PDE3B: variants seen among roughly 807,000 people sequenced by gnomAD.
The protein encoded by PDE3B is cGMP-inhibited 3',5'-cyclic phosphodiesterase 3B.
A neutral mutation model predicts 116.8 loss-of-function variants in PDE3B; 66 were observed. The observed-to-expected ratio is 0.56, with a 90% CI of 0.46 to 0.69. The LOEUF is 0.69. Ranked by LOEUF, PDE3B falls within the 30% of genes least tolerant of loss-of-function variation. The pLI, the probability that PDE3B is intolerant of heterozygous loss-of-function variation, is 0.00. For synonymous variants in PDE3B, 595 were observed against 533.6 expected, an observed-to-expected ratio of 1.12 and a Z score of -1.59; for missense variants, 1,384 against 1,368.1, an observed-to-expected ratio of 1.01 and a Z score of -0.18.
chr11:14,853,014 T>C (rs1447257097), intron 12 of PDE3B, among the ~76,000 whole-genome samples: 16 of 149,952 alleles, frequency 1.1e-4, no homozygotes, highest in Non-Finnish European at 2.1e-4. Flanking sequence ...TCTCTCTCTT[T>C]TTTTTTTTTT....
chr11:14,838,021 C>G (rs10832307), intron 11 of PDE3B, among the ~76,000 whole-genome samples: 19,918 of 151,438 alleles, frequency 0.13, 1,467 homozygotes, highest in African/African-American at 0.2. Flanking sequence ...CTTTGTCGCC[C>G]AGGCTGGAGT....
intron 9 of PDE3B, among the ~76,000 whole-genome samples, chr11:14,832,359 T>A (rs2133963712): frequency 6.6e-6 from 1 of 152,346 alleles, no homozygotes; most frequent in East Asian, 1.9e-4. Flanking sequence ...TTCTTAGGGA[T>A]AAAAATGTGA....
chr11:14,898,442 C>T, the PDE3B span, among the ~76,000 whole-genome samples: 147 of 152,306 alleles, frequency 9.7e-4, 1 homozygote, highest in African/African-American at 3.3e-3. Context: ...AATGACACAT[C>T]CTTGTACCTC....
intron 8 of PDE3B, 39 bp downstream of exon 8, chr11:14,830,885 A>C: frequency 2.2e-6 from 3 of 1,348,314 alleles, no homozygotes; most frequent in Non-Finnish European, 3.0e-6. Flanking sequence ...GTTAAGGTGA[A>C]ATATAATACT....
intron 2 of PDE3B, among the ~76,000 whole-genome samples, chr11:14,777,525 A>G (rs921600026): frequency 2.6e-5 from 4 of 152,214 alleles, no homozygotes; most frequent in South Asian, 4.1e-4. Flanking sequence ...CACATAACCT[A>G]TAGGGGAACA....
chr11:14,729,595 TAAA>T (rs1005441714), intron 1 of PDE3B, among the ~76,000 whole-genome samples: 6 of 152,184 alleles, frequency 3.9e-5, no homozygotes, highest in Non-Finnish European at 7.4e-5. Flanking sequence ...AATTTGCAAG[TAAA>T]AAGTTCTGTT....
rs1237203384 is a variant in PDE3B at position 14,871,314 on chromosome 11, CTA to C, written c.*1656_*1657del. On this transcript the variant is annotated 3_prime_UTR_variant, in exon 16 of 16. Transcript: ENST00000282096. ...CCACTTTTGTTACCATTGTCACACA[CTA>C]TGTGTAAACCAGTCCCACCACTTAT... 2 of 152,106 alleles carry C rather than the reference CTA, an allele frequency of 1.3e-5. No individual in the cohort carries two copies. The highest frequency in any genetic ancestry group is 4.8e-5 in the African/African-American group (2 of 41,444). The allele number at this position is 152,106 out of a possible 1,614,324, so 9.4% of individuals were successfully genotyped here.
chr11:14,696,702 AAACTTTTGTG>A (rs1210107575), intron 1 of PDE3B, among the ~76,000 whole-genome samples: 1 of 152,106 alleles, frequency 6.6e-6, no homozygotes, highest in Non-Finnish European at 1.5e-5. Flanking sequence ...TTTATATACA[AAACTTTTGTG>A]GGATATATGT....
chr11:14,846,474 A>G (rs932460981), intron 12 of PDE3B, among the ~76,000 whole-genome samples: 2 of 152,228 alleles, frequency 1.3e-5, no homozygotes, highest in African/African-American at 4.8e-5. Context: ...GACAGGATCA[A>G]ATTCACACAT....
chr11:14,845,967 C>T (rs1847591859), intron 12 of PDE3B, among the ~76,000 whole-genome samples: 1 of 152,056 alleles, frequency 6.6e-6, no homozygotes, highest in South Asian at 2.1e-4. Flanking sequence ...GGCCAACATT[C>T]AGATTCAGGA....
intron 1 of PDE3B, among the ~76,000 whole-genome samples, chr11:14,708,204 C>T (rs1855587652): frequency 6.6e-6 from 1 of 151,944 alleles, no homozygotes; most frequent in Admixed American, 6.6e-5. Flanking sequence ...GAGCCTGGTA[C>T]TTCCTTCCAT....
rs371505368 is a variant in PDE3B, at chr11:14,667,781, A to G, written c.978+22728A>G. Among the ~76,000 whole-genome samples, 19 of 151,712 alleles carry G rather than the reference A, an allele frequency of 1.3e-4. No individual in the cohort carries two copies. In the South Asian group the frequency reaches 4.0e-3, roughly 32 times the overall value. ...TGCAGCACAGCAACATGGCACATAT[A>G]TACATATGTAACAAACTTGCACGTT... On this transcript the variant is annotated intron_variant, in intron 1 of 15. Coordinates refer to ENST00000282096, the MANE Select transcript of PDE3B (RefSeq NM_000922.4).
intron 1 of PDE3B, among the ~76,000 whole-genome samples, chr11:14,669,416 G>A (rs7119073): frequency 0.64 from 97,237 of 152,006 alleles, 31,233 homozygotes; most frequent in Middle Eastern, 0.71. Context: ...CAGGGTGGAG[G>A]AGAATGAAGA....
chr11:14,782,281 A>G (rs1048211033), intron 2 of PDE3B, among the ~76,000 whole-genome samples: 2 of 152,350 alleles, frequency 1.3e-5, no homozygotes, highest in East Asian at 1.9e-4. Context: ...TGTGGAACCA[A>G]AAAAGAGCCC....
chr11:14,827,370 G>C (rs1398075543), intron 7 of PDE3B, among the ~76,000 whole-genome samples: 1 of 152,024 alleles, frequency 6.6e-6, no homozygotes, highest in African/African-American at 2.4e-5. Flanking sequence ...GAAGAGAGGA[G>C]GTCAAACTAT....
At chr11:14,880,837 A>T in the PDE3B span, 1 of 1,443,480 alleles carries the variant, frequency 6.9e-7, no homozygotes. Context: ...AGGGAACAAA[A>T]TTTTTTTAAT....
downstream of PDE3B, among the ~76,000 whole-genome samples, chr11:14,876,922 A>C (rs181294315): frequency 2.8e-4 from 43 of 152,238 alleles, no homozygotes; most frequent in African/African-American, 9.4e-4. Context: ...TTGCAACTGG[A>C]AACATCTGAA....
At chr11:14,712,173 A>G (rs987619891) in intron 1 of PDE3B, among the ~76,000 whole-genome samples, 18 of 151,984 alleles carry the variant, frequency 1.2e-4, no homozygotes, top group African/African-American at 3.9e-4. Flanking sequence ...GTAACCTCCA[A>G]CTCCTGGGCT....
intron 1 of PDE3B, among the ~76,000 whole-genome samples, chr11:14,672,425 A>G (rs918879228): frequency 1.4e-4 from 21 of 152,166 alleles, no homozygotes; most frequent in African/African-American, 5.1e-4. Flanking sequence ...AGGAAAACCT[A>G]CTAAGAAGGG....
Sources: gnomAD v4.1 joint callset for allele counts (sites outside exome capture counted in the v4.1 genomes callset) on GRCh38, gnomAD v4.1.1 for gene constraint, MANE v1.5 for transcripts, NCBI Gene and HGNC (gene_info 2026-07-23, HGNC 2026-07-21) for gene names.